The following NFYC variants were observed in gnomAD, a reference collection of about 807,000 sequenced individuals.
The protein encoded by NFYC is CAAT box DNA-binding protein subunit C.
A neutral mutation model predicts 53.1 loss-of-function variants in NFYC; 25 were observed. That is an observed-to-expected ratio of 0.47 (90% confidence interval 0.34 to 0.66). The LOEUF (loss-of-function observed/expected upper bound fraction) is 0.66. Among genes scored for constraint, NFYC ranks in the 30% least tolerant of loss-of-function variants. NFYC has a pLI of 0.01. For missense variants in NFYC, 260 were observed against 422.7 expected, an observed-to-expected ratio of 0.62 and a Z score of 3.38; for synonymous variants, 145 against 152.6, an observed-to-expected ratio of 0.95 and a Z score of 0.37.
chr1:40,766,586 C>T lies in NFYC; in HGVS notation c.721-10C>T, dbSNP rs751270474. ...GTCTTATGGTCTCTTTGTCTCTGCC[C>T]CTGCCCTAGGTGCAGCTGAATGCCG... On this transcript the variant is annotated splice_polypyrimidine_tract_variant and intron_variant, in intron 7 of 9. Transcript: ENST00000447388. The T allele has an allele frequency of 4.4e-6, 7 of 1,606,968 alleles. No homozygotes were observed. In the East Asian group the frequency reaches 1.3e-4, roughly 31 times the overall value.
At chr1:40,696,576 C>G (rs1643159557) in intron 1 of NFYC, among the ~76,000 whole-genome samples, 1 of 152,190 alleles carries the variant, frequency 6.6e-6, no homozygotes, top group Non-Finnish European at 1.5e-5. Flanking sequence ...GGTGCTCATT[C>G]CACTGGATAG....
chr1:40,712,591 A>G (rs1212388570), intron 1 of NFYC: 1 of 150,878 alleles, frequency 6.6e-6, no homozygotes, highest in Admixed American at 6.6e-5. Context: ...TTATCCTGTC[A>G]ATTTTCAAGC....
intron 1 of NFYC, among the ~76,000 whole-genome samples, chr1:40,707,380 G>A (rs1643747437): frequency 6.6e-6 from 1 of 150,408 alleles, no homozygotes; most frequent in Non-Finnish European, 1.5e-5. Context: ...TGTAGTCCCA[G>A]CTACTAAGTA....
In NFYC at chr1:40,752,001, GA is replaced by G. The variant is rs1043226924; in HGVS notation, c.292-1140del. On this transcript the variant is annotated intron_variant, in intron 4 of 9. Transcript: ENST00000447388. ...GGGGCCATCACAGATACAAGGGAAA[GA>G]AAAAAAAAATTTCCATCCTCTCCTG... Among the ~76,000 whole-genome samples, 14 of 149,798 alleles carry G rather than the reference GA, an allele frequency of 9.3e-5. No individual in the cohort carries two copies. The East Asian group carries it at 1.2e-3, about 12-fold the overall frequency.
chr1:40,724,511 C>CT (rs971862096), intron 1 of NFYC, among the ~76,000 whole-genome samples: 7 of 152,184 alleles, frequency 4.6e-5, no homozygotes, highest in African/African-American at 1.7e-4. Context: ...ATACTTGATC[C>CT]TTTTTCTTCA....
intron 1 of NFYC, among the ~76,000 whole-genome samples, chr1:40,696,163 A>G (rs1247329412): frequency 6.6e-6 from 1 of 151,446 alleles, no homozygotes; most frequent in Non-Finnish European, 1.5e-5. Context: ...AGCTGGGATT[A>G]TAGACGCCCG....
intron 1 of NFYC, among the ~76,000 whole-genome samples, chr1:40,725,253 C>T (rs746276787): frequency 3.9e-5 from 6 of 152,134 alleles, no homozygotes; most frequent in Non-Finnish European, 8.8e-5. Flanking sequence ...CCCTTGTATT[C>T]ATTCATTTAT....
At chr1:40,755,636 A>G (rs185661482) in intron 5 of NFYC, among the ~76,000 whole-genome samples, 1 of 152,288 alleles carries the variant, frequency 6.6e-6, no homozygotes, top group African/African-American at 2.4e-5. Context: ...CTTGACCTCC[A>G]TTGGCAGAAT....
rs1023350925 is a variant in NFYC, at chr1:40,770,647, A to T, written c.889-62A>T. On this transcript the variant is annotated intron_variant, in intron 9 of 9. Transcript: ENST00000447388. The surrounding 1 kb of genome is among the most constrained non-coding windows in gnomAD (Gnocchi z 5.3). ...GGGACCCCCAACCAGCTCGAGACCC[A>T]TAGGGAGCTGCATGCCCCTCTCCCA... The T allele has an allele frequency of 1.2e-6, 2 of 1,614,070 alleles. No individual in the cohort carries two copies. The highest frequency in any genetic ancestry group is 1.7e-5 in the Admixed American group (1 of 60,022).
chr1:40,719,190 G>A (rs923576708), intron 1 of NFYC, among the ~76,000 whole-genome samples: 2 of 152,142 alleles, frequency 1.3e-5, no homozygotes, highest in Non-Finnish European at 2.9e-5. Context: ...TAAATAATCC[G>A]TTGCTTTAAA....
chr1:40,764,724 G>C (rs1646730423), intron 7 of NFYC, among the ~76,000 whole-genome samples: 1 of 152,162 alleles, frequency 6.6e-6, no homozygotes, highest in African/African-American at 2.4e-5. Flanking sequence ...CTTCAGGAAG[G>C]AAACTTTATT....
intron 2 of NFYC, among the ~76,000 whole-genome samples, chr1:40,742,344 T>C (rs1177990581): frequency 2.0e-5 from 3 of 152,208 alleles, no homozygotes; most frequent in Non-Finnish European, 4.4e-5. Context: ...GCTGCTGTGT[T>C]ACATGAGTGT....
At chr1:40,767,441 A>C (rs937271637) in intron 8 of NFYC, among the ~76,000 whole-genome samples, 1 of 152,136 alleles carries the variant, frequency 6.6e-6, no homozygotes, top group Non-Finnish European at 1.5e-5. Context: ...CATTTGGGAA[A>C]ATACGAGGAA....
At chr1:40,742,578 G>A (rs906488431) in intron 2 of NFYC, among the ~76,000 whole-genome samples, 1 of 152,136 alleles carries the variant, frequency 6.6e-6, no homozygotes, top group African/African-American at 2.4e-5. Flanking sequence ...TTCTTGTATT[G>A]GTGACTAATT....
At chr1:40,747,044 A>C (rs937686417) in intron 2 of NFYC, among the ~76,000 whole-genome samples, 3 of 152,194 alleles carry the variant, frequency 2.0e-5, no homozygotes, top group Admixed American at 6.5e-5. Flanking sequence ...GGCCACTATC[A>C]GTTGTAAAGA....
chr1:40,761,946 A>T (rs1365522668), intron 6 of NFYC, among the ~76,000 whole-genome samples: 1 of 144,374 alleles, frequency 6.9e-6, no homozygotes, highest in African/African-American at 2.6e-5. Context: ...CATCACTACC[A>T]CCACCAGATG....
chr1:40,753,251 G>T lies in NFYC; in HGVS notation c.387+5G>T, dbSNP rs762214841. The stretch of plus-strand genomic sequence containing the variant: ...CTGAAACCTCCAAAGCGTCAGGTGA[G>T]CTGTGAAGGGATTGCAGTTGCTGCT... On this transcript the variant is annotated splice_donor_5th_base_variant and intron_variant, in intron 5 of 9. Transcript: ENST00000447388. 1 of 1,608,194 alleles carries T rather than the reference G, an allele frequency of 6.2e-7. No individual in the cohort carries two copies. The highest frequency in any genetic ancestry group is 8.5e-7 in the Non-Finnish European group (1 of 1,174,688).
At position 40,767,734 on chromosome 1, in the gene NFYC, G is replaced by A. The variant is rs1428390219; in HGVS notation, c.828+1031G>A. 5.3e-5 allele frequency among the ~76,000 whole-genome samples: 8 copies of A among 152,304 alleles called. No individual in the cohort carries two copies. In the East Asian group the frequency reaches 1.5e-3, roughly 29 times the overall value. On this transcript the variant is annotated intron_variant, in intron 8 of 9. Transcript: ENST00000447388. Reference sequence around the variant, plus strand: ...GTCACGCCTGTAATCCCAGCACTTTGGGAGGGAGGCTGAGGCAGGTGATCA... The same window carrying A: ...GTCACGCCTGTAATCCCAGCACTTTAGGAGGGAGGCTGAGGCAGGTGATCA...
intron 7 of NFYC, among the ~76,000 whole-genome samples, chr1:40,765,780 TC>T (rs1646783348): frequency 6.6e-6 from 1 of 152,164 alleles, no homozygotes; most frequent in Admixed American, 6.6e-5. Flanking sequence ...CCTCTTTTCA[TC>T]CCCAGCTCAA....
Sources: gnomAD v4.1 joint callset for allele counts (sites outside exome capture counted in the v4.1 genomes callset) on GRCh38, gnomAD v4.1.1 for gene constraint, Gnocchi (gnomAD v3.1) non-coding constraint, MANE v1.5 for transcripts, NCBI Gene and HGNC (gene_info 2026-07-23, HGNC 2026-07-21) for gene names.